Variants in NFASC observed in about 807,000 individuals in gnomAD.
NFASC encodes the protein neurofascin homolog.
NFASC carries 43 observed loss-of-function variants against 147.5 expected under a neutral mutation model. The ratio of observed to expected loss-of-function variants is 0.29; its 90% CI spans 0.23 to 0.38. The LOEUF is 0.38. Among genes scored for constraint, NFASC ranks in the 10% least tolerant of loss-of-function variants. NFASC has a pLI of 1.00. For synonymous variants in NFASC, 622 were observed against 665.5 expected, an observed-to-expected ratio of 0.93 and a Z score of 1.01; for missense variants, 1,320 against 1,689.0, an observed-to-expected ratio of 0.78 and a Z score of 3.83.
At chr1:204,924,848 G>A (rs964296545) in intron 2 of NFASC, among the ~76,000 whole-genome samples, 2 of 152,138 alleles carry the variant, frequency 1.3e-5, no homozygotes, top group African/African-American at 4.8e-5. Flanking sequence ...GGGGAGAGGA[G>A]AAAGGGCCAA....
At chr1:204,843,608 CT>C in intron 1 of NFASC, among the ~76,000 whole-genome samples, 1 of 83,940 alleles carries the variant, frequency 1.2e-5, no homozygotes, top group Non-Finnish European at 2.1e-5. Flanking sequence ...TCCTTCCTTC[CT>C]TCCTTCCTTC....
At position 204,877,068 on chromosome 1, in the gene NFASC, T is replaced by TTA. The variant is rs558299722; in HGVS notation, c.-199-43553_-199-43552dup. Among the ~76,000 whole-genome samples the TTA allele has an allele frequency of 4.6e-4, 43 of 93,732 alleles. 1 individual carries two copies. Among genetic ancestry groups the TTA allele is most frequent in the East Asian group, 4.5e-3 (3 of 660 alleles). 61.5% of individuals were successfully genotyped at this position (93,732 alleles called of 152,430 possible). ...ATATATAATATATTTATTTATATATTTATATATATATAATATATTTATTTA... is the reference window on the plus strand; with the variant it reads ...ATATATAATATATTTATTTATATATTTATATATATATATAATATATTTATTTA... On this transcript the variant is annotated intron_variant, in intron 1 of 29. Coordinates refer to ENST00000339876, the MANE Select transcript of NFASC (RefSeq NM_001005388.3).
intron 27 of NFASC, 86 bp downstream of exon 27, chr1:205,002,834 G>A (rs1182295191): frequency 1.8e-6 from 2 of 1,088,652 alleles, no homozygotes; most frequent in Admixed American, 2.8e-5. Flanking sequence ...TCTCTCCTCG[G>A]AAAGAAGACT....
chr1:204,916,126 A>ATC (rs1444870743), intron 1 of NFASC, among the ~76,000 whole-genome samples: 1 of 152,184 alleles, frequency 6.6e-6, no homozygotes, highest in Non-Finnish European at 1.5e-5. Flanking sequence ...ACCTTCTGGA[A>ATC]TCTAGGGACA....
At chr1:204,895,280 C>G (rs748914288) in intron 1 of NFASC, among the ~76,000 whole-genome samples, 1 of 152,168 alleles carries the variant, frequency 6.6e-6, no homozygotes, top group Non-Finnish European at 1.5e-5. Flanking sequence ...TGCCACTACT[C>G]AAGCTTTCAA....
intron 16 of NFASC, 119 bp downstream of exon 16, chr1:204,976,914 G>C (rs77159058): frequency 1.0e-5 from 15 of 1,485,274 alleles, no homozygotes; most frequent in Non-Finnish European, 1.3e-5. Flanking sequence ...CGGGTCAGGC[G>C]TGGTGATCTC....
chr1:204,958,922 T>G (rs1333110796), intron 8 of NFASC, among the ~76,000 whole-genome samples: 2 of 151,998 alleles, frequency 1.3e-5, no homozygotes, highest in African/African-American at 4.8e-5. Context: ...ACCATTATCG[T>G]TCTCTTCCTT....
At chr1:204,906,808 C>A (rs937999241) in intron 1 of NFASC, among the ~76,000 whole-genome samples, 2 of 151,822 alleles carry the variant, frequency 1.3e-5, no homozygotes, top group African/African-American at 4.8e-5. Flanking sequence ...TCAGCCTCCC[C>A]GAGTAGCTGG....
rs1366128793 is a variant in NFASC, at chr1:204,973,375, A to G, written c.1235A>G (p.Asn412Ser). 4 of 1,614,094 alleles carry G rather than the reference A, an allele frequency of 2.5e-6. No homozygotes were observed. Among genetic ancestry groups the G allele is most frequent in the Non-Finnish European group, 3.4e-6 (4 of 1,180,050 alleles). ...GCTGTGTACCAGTGCAACACCTCCA[A>G]CGAGCATGGCTACCTGCTGGCCAAC... ...SRAVYQCNTS[N>S]EHGYLLANAF... Residue 412 changes from asparagine (N) to serine (S), a missense_variant, in exon 12 of 30, where the codon AAC (asparagine) becomes AGC (serine). Around this residue, in one of 3 missense-constraint regions of NFASC, gnomAD observed 981 missense variants for 1,289.5 expected, o/e 0.76. Transcript: ENST00000339876.
chr1:205,014,336 A>G (rs879501169), intron 29 of NFASC, among the ~76,000 whole-genome samples: 7 of 152,156 alleles, frequency 4.6e-5, no homozygotes, highest in Admixed American at 3.3e-4. Flanking sequence ...CGCAGCATCC[A>G]TCCTAGAGCC....
At chr1:204,844,742 T>C (rs531962339) in intron 1 of NFASC, among the ~76,000 whole-genome samples, 28 of 152,206 alleles carry the variant, frequency 1.8e-4, no homozygotes, top group Admixed American at 1.4e-3. Flanking sequence ...AGGTTTATTT[T>C]AAATAAACTT....
intron 1 of NFASC, among the ~76,000 whole-genome samples, chr1:204,902,849 C>T (rs188330676): frequency 2.6e-5 from 4 of 152,082 alleles, no homozygotes; most frequent in African/African-American, 4.8e-5. Flanking sequence ...TCAAATGCCA[C>T]GAAGGGCCCA....
chr1:204,970,072 CTCAAA>C (rs1462279131), intron 10 of NFASC, among the ~76,000 whole-genome samples: 1 of 76,672 alleles, frequency 1.3e-5, no homozygotes, highest in Admixed American at 2.0e-4. Context: ...AAGACTCCAT[CTCAAA>C]AAAAAAAAAA....
intron 3 of NFASC, chr1:204,946,440 T>C: frequency 2.3e-6 from 1 of 434,096 alleles, no homozygotes; most frequent in Middle Eastern, 3.4e-4. Context: ...CCAGATGCTC[T>C]GGCTGTGTCG....
At chr1:204,893,771 G>C (rs545750768) in intron 1 of NFASC, among the ~76,000 whole-genome samples, 30 of 152,344 alleles carry the variant, frequency 2.0e-4, no homozygotes, top group Non-Finnish European at 4.0e-4. Flanking sequence ...ACTCTGTCAA[G>C]CTTCTCCCCC....
rs137866492 is a variant in NFASC at position 204,974,681 on chromosome 1, C to A, written c.1416C>A (p.Asn472Lys). Reference protein sequence around the residue: ...LRWFKNGQGSNLDGGNYHVYE... With the variant: ...LRWFKNGQGSKLDGGNYHVYE... ...GGTTTAAGAATGGGCAAGGAAGCAA[C>A]CTGGATGGTGGCAACTACCATGTTT... The change falls in exon 14 of 30, where the codon AAC (asparagine) becomes AAA (lysine). Residue 472 changes from asparagine (N) to lysine (K), a missense_variant. This residue lies in a region of NFASC where 981 missense variants were observed against 1,289.5 expected (regional missense o/e 0.76). Coordinates refer to ENST00000339876, the MANE Select transcript of NFASC (RefSeq NM_001005388.3). 4 of 1,614,216 alleles carry A rather than the reference C, an allele frequency of 2.5e-6. No individual in the cohort carries two copies. The highest frequency in any genetic ancestry group is 3.4e-6 in the Non-Finnish European group (4 of 1,180,038).
intron 1 of NFASC, chr1:204,870,875 G>A: frequency 1.7e-6 from 2 of 1,196,560 alleles, no homozygotes; most frequent in Non-Finnish European, 1.1e-6. Flanking sequence ...TCCACCCAGG[G>A]CAGGGCTGCT....
At chr1:204,993,023 A>G (rs1446832967) in intron 24 of NFASC, among the ~76,000 whole-genome samples, 2 of 152,222 alleles carry the variant, frequency 1.3e-5, no homozygotes, top group Non-Finnish European at 2.9e-5. Context: ...AGATGTGCTG[A>G]TAACATCAGC....
intron 1 of NFASC, among the ~76,000 whole-genome samples, chr1:204,889,643 A>G (rs1289865811): frequency 6.6e-6 from 1 of 152,104 alleles, no homozygotes; most frequent in Non-Finnish European, 1.5e-5. Context: ...CCTCCAGGCT[A>G]TGTTCCCTGA....
Sources: gnomAD v4.1 joint callset for allele counts (sites outside exome capture counted in the v4.1 genomes callset) on GRCh38, gnomAD v4.1.1 for gene constraint, gnomAD v4.1.1 regional missense constraint, MANE v1.5 for transcripts, NCBI Gene and HGNC (gene_info 2026-07-23, HGNC 2026-07-21) for gene names.